The following MYO1E variants were observed in gnomAD, a reference collection of about 807,000 sequenced individuals.
The protein encoded by MYO1E is unconventional myosin-Ie.
MYO1E carries 68 observed loss-of-function variants against 151.1 expected under a neutral mutation model. The observed-to-expected ratio is 0.45, with a 90% CI of 0.37 to 0.55. The LOEUF (loss-of-function observed/expected upper bound fraction) is 0.55. MYO1E is among the 20% of genes least tolerant of loss of function. The pLI, the probability that MYO1E is intolerant of heterozygous loss-of-function variation, is 0.00. For synonymous variants in MYO1E, 601 were observed against 501.7 expected (o/e 1.20, Z -2.64); for missense variants, 1,363 against 1,389.3 (o/e 0.98, Z 0.30).
At chr15:59,161,029 G>T (rs1319147751) in intron 24 of MYO1E, 44 bp downstream of exon 24, 1 of 1,610,870 alleles carries the variant, frequency 6.2e-7, no homozygotes, top group Non-Finnish European at 8.5e-7. Context: ...GGAGACTCGG[G>T]GGAGCGGCGG....
At chr15:59,288,555 G>A (rs1470416780) in intron 1 of MYO1E, among the ~76,000 whole-genome samples, 6 of 152,172 alleles carry the variant, frequency 3.9e-5, no homozygotes, top group African/African-American at 1.4e-4. Context: ...TACCAGATGA[G>A]TAAAGTTTTG....
At chr15:59,318,233 A>C (rs1186918778) in intron 1 of MYO1E, among the ~76,000 whole-genome samples, 1 of 152,224 alleles carries the variant, frequency 6.6e-6, no homozygotes, top group Non-Finnish European at 1.5e-5. Context: ...ATCCTACCTC[A>C]TTACCCAACA....
chr15:59,192,998 G>C (rs2079743194), intron 17 of MYO1E, among the ~76,000 whole-genome samples: 1 of 150,972 alleles, frequency 6.6e-6, no homozygotes, highest in Non-Finnish European at 1.5e-5. Flanking sequence ...TTAAGAGGAA[G>C]GAACTGAGGG....
chr15:59,251,950 A>C lies in MYO1E; in HGVS notation c.332+4334T>G, dbSNP rs574960296. On this transcript the variant is annotated intron_variant, in intron 4 of 27. Transcript: ENST00000288235. Reference sequence around the variant, plus strand: ...ATTTTAAAATGAATTCAGTATTGCTACTAATAATATTGGTATTGTTACTTT... The same window carrying C: ...ATTTTAAAATGAATTCAGTATTGCTCCTAATAATATTGGTATTGTTACTTT... 2.0e-5 allele frequency among the ~76,000 whole-genome samples: 3 copies of C among 152,376 alleles called. No homozygotes were observed. The South Asian group carries it at 6.2e-4, about 32-fold the overall frequency.
chr15:59,247,264 AG>A (rs2080136017), intron 4 of MYO1E, among the ~76,000 whole-genome samples: 1 of 152,240 alleles, frequency 6.6e-6, no homozygotes, highest in African/African-American at 2.4e-5. Context: ...TAGGAGCTCA[AG>A]TCCAGGGGTA....
chr15:59,179,460 G>A (rs1003074886), intron 18 of MYO1E, among the ~76,000 whole-genome samples: 3 of 152,142 alleles, frequency 2.0e-5, no homozygotes, highest in Non-Finnish European at 2.9e-5. Flanking sequence ...AACCGTGCCT[G>A]GCACACAGCA....
chr15:59,144,992 C>T (rs1596340379), intron 26 of MYO1E, among the ~76,000 whole-genome samples: 2 of 152,016 alleles, frequency 1.3e-5, no homozygotes, highest in Admixed American at 6.5e-5. Flanking sequence ...TACAGGCATG[C>T]ACCACCATGC....
chr15:59,174,527 C>T (rs907121189), intron 19 of MYO1E, among the ~76,000 whole-genome samples: 2 of 152,142 alleles, frequency 1.3e-5, no homozygotes, highest in Non-Finnish European at 2.9e-5. Flanking sequence ...CTGTGAGAAT[C>T]GAATGAGCGA....
intron 1 of MYO1E, among the ~76,000 whole-genome samples, chr15:59,327,624 C>T (rs2080673325): frequency 6.6e-6 from 1 of 152,060 alleles, no homozygotes; most frequent in African/African-American, 2.4e-5. Flanking sequence ...CATTTATTTA[C>T]TTTTTAAACA....
chr15:59,255,338 A>C (rs2080187964), intron 4 of MYO1E, among the ~76,000 whole-genome samples: 1 of 152,110 alleles, frequency 6.6e-6, no homozygotes, highest in African/African-American at 2.4e-5. Context: ...GGCTGGTCTC[A>C]AACTCTGCGG....
intron 24 of MYO1E, among the ~76,000 whole-genome samples, chr15:59,160,377 G>GTGTGTA (rs2079531473): frequency 2.1e-5 from 3 of 141,964 alleles, no homozygotes; most frequent in African/African-American, 8.7e-5. Flanking sequence ...GTGTGTGTGT[G>GTGTGTA]TGTATGGTGT....
chr15:59,280,316 AT>A (rs1371161156), intron 1 of MYO1E, among the ~76,000 whole-genome samples: 1 of 152,180 alleles, frequency 6.6e-6, no homozygotes, highest in Non-Finnish European at 1.5e-5. Flanking sequence ...ACATTTTCAC[AT>A]TTTGAAATTA....
At chr15:59,238,730 C>A (rs2080081366) in intron 4 of MYO1E, among the ~76,000 whole-genome samples, 1 of 151,856 alleles carries the variant, frequency 6.6e-6, no homozygotes, top group East Asian at 2.0e-4. Context: ...CACCACCATG[C>A]CTAGCTAATT....
chr15:59,328,006 C>T (rs2080675987), intron 1 of MYO1E, among the ~76,000 whole-genome samples: 1 of 152,142 alleles, frequency 6.6e-6, no homozygotes, highest in African/African-American at 2.4e-5. Flanking sequence ...AGATGGTGGG[C>T]CCAACAGCCT....
At position 59,153,710 on chromosome 15, in the gene MYO1E, C is replaced by G. The variant is rs769643235; in HGVS notation, c.2960G>C (p.Ser987Thr). 2.5e-6 allele frequency: 4 copies of G among 1,614,036 alleles called. No individual in the cohort carries two copies. The African/African-American group carries it at 4.0e-5, about 16-fold the overall frequency. The change falls in exon 26 of 28, where the codon AGC becomes ACC. Residue 987 changes from serine to threonine, a missense_variant. Physicochemically the swap from Ser to Thr is moderately conservative, Grantham distance 58. Coordinates refer to ENST00000288235, the MANE Select transcript of MYO1E (RefSeq NM_004998.4). ...CGGGCGGGCCATGGAGGTGTACAGG[C>G]TTTTCTGATTGGACCTCTGGCTTCC... ...APGSQRSNQK[S>T]LYTSMARPPL...
chr15:59,154,693 C>T lies in MYO1E; in HGVS notation c.2879-902G>A, dbSNP rs545164998. Among the ~76,000 whole-genome samples the T allele has an allele frequency of 2.0e-4, 30 of 152,292 alleles. No individual in the cohort carries two copies. The East Asian group carries it at 5.4e-3, about 27-fold the overall frequency. On this transcript the variant is annotated intron_variant, in intron 25 of 27. Coordinates refer to ENST00000288235, the MANE Select transcript of MYO1E (RefSeq NM_004998.4). ...TCAGTTCTGGCTCTGCCTCTGAGAG[C>T]TATACTGATCATGAGCAAGAGAGTT...
intron 4 of MYO1E, among the ~76,000 whole-genome samples, chr15:59,251,379 T>C (rs1290439634): frequency 6.6e-6 from 1 of 152,060 alleles, no homozygotes; most frequent in South Asian, 2.1e-4. Context: ...AAAAAGTCAG[T>C]GTCATGAAAA....
intron 1 of MYO1E, among the ~76,000 whole-genome samples, chr15:59,327,325 CTTTT>C (rs67680356): frequency 6.8e-6 from 1 of 146,740 alleles, no homozygotes; most frequent in African/African-American, 2.5e-5. Flanking sequence ...GTACATTTTT[CTTTT>C]TTTTTTTTTA....
At chr15:59,323,975 G>T (rs2080645718) in intron 1 of MYO1E, among the ~76,000 whole-genome samples, 2 of 151,612 alleles carry the variant, frequency 1.3e-5, no homozygotes, top group African/African-American at 2.4e-5. Context: ...AGCCACCAAA[G>T]GCAGGAAAAA....
Sources: gnomAD v4.1 joint callset for allele counts (sites outside exome capture counted in the v4.1 genomes callset) on GRCh38, gnomAD v4.1.1 for gene constraint, MANE v1.5 for transcripts, NCBI Gene and HGNC (gene_info 2026-07-23, HGNC 2026-07-21) for gene names.